IGSF11: variants seen among roughly 807,000 people sequenced by gnomAD.
IGSF11 encodes immunoglobulin superfamily member 11.
A neutral mutation model predicts 41.0 loss-of-function variants in IGSF11; 22 were observed. The observed-to-expected ratio is 0.54, with a 90% CI of 0.38 to 0.77. The LOEUF is 0.77. Ranked by LOEUF, IGSF11 falls within the 30% of genes least tolerant of loss-of-function variation. The pLI is 0.00. For missense variants in IGSF11, 444 were observed against 530.8 expected (o/e 0.84, Z 1.61); for synonymous variants, 219 against 201.3 (o/e 1.09, Z -0.74).
chr3:119,107,332 T>C (rs2077049428), upstream of IGSF11, among the ~76,000 whole-genome samples: 1 of 152,254 alleles, frequency 6.6e-6, no homozygotes, highest in African/African-American at 2.4e-5. Flanking sequence ...ATTTCTCTGA[T>C]GGCCAGTGAT....
chr3:119,118,220 G>T (rs1386613460), intron 1 of IGSF11, among the ~76,000 whole-genome samples: 1 of 152,206 alleles, frequency 6.6e-6, no homozygotes, highest in Non-Finnish European at 1.5e-5. Context: ...CATTGCCCTA[G>T]CAAAGGTTCT....
intron 1 of IGSF11, among the ~76,000 whole-genome samples, chr3:119,131,266 A>G (rs190282980): frequency 1.3e-5 from 2 of 152,308 alleles, no homozygotes; most frequent in Non-Finnish European, 2.9e-5. Flanking sequence ...GAGCTAAAGG[A>G]GGATGTTCTA....
intron 1 of IGSF11, among the ~76,000 whole-genome samples, chr3:119,083,408 A>C (rs576993011): frequency 1.3e-5 from 2 of 151,812 alleles, no homozygotes; most frequent in South Asian, 2.1e-4. Context: ...TGGTAAGACT[A>C]TTTCTATGTA....
At chr3:119,073,385 G>A (rs999214480) in intron 1 of IGSF11, among the ~76,000 whole-genome samples, 9 of 152,224 alleles carry the variant, frequency 5.9e-5, no homozygotes, top group Admixed American at 4.6e-4. Context: ...TGCCAGTCCT[G>A]GGCCGCGCAT....
intron 1 of IGSF11, among the ~76,000 whole-genome samples, chr3:118,948,964 T>TC (rs1270133559): frequency 7.8e-6 from 1 of 127,530 alleles, no homozygotes; most frequent in Non-Finnish European, 1.6e-5. Flanking sequence ...AGAGCGAGAC[T>TC]CCGTCTCAAA....
intron 1 of IGSF11, among the ~76,000 whole-genome samples, chr3:118,991,771 A>G (rs1935813521): frequency 6.6e-6 from 1 of 152,212 alleles, no homozygotes; most frequent in South Asian, 2.1e-4. Flanking sequence ...CAAATTCTCA[A>G]TCAGTGCCTA....
At chr3:119,115,986 G>A (rs1315530720) in intron 1 of IGSF11, among the ~76,000 whole-genome samples, 1 of 152,114 alleles carries the variant, frequency 6.6e-6, no homozygotes, top group African/African-American at 2.4e-5. Flanking sequence ...GACAAAACGA[G>A]GAGCTTTGTG....
chr3:119,033,126 T>A (rs1479693536), intron 1 of IGSF11, among the ~76,000 whole-genome samples: 3 of 152,232 alleles, frequency 2.0e-5, no homozygotes, highest in Admixed American at 2.0e-4. Flanking sequence ...TACTGCCTAA[T>A]AATTCAAAAA....
At chr3:119,052,433 G>A (rs942969155) in intron 1 of IGSF11, among the ~76,000 whole-genome samples, 3 of 144,832 alleles carry the variant, frequency 2.1e-5, no homozygotes, top group Non-Finnish European at 3.0e-5. Context: ...CAAGCAAACA[G>A]GAAGGGAGGG....
At position 118,901,765 on chromosome 3, in the gene IGSF11, C is replaced by T. The variant is rs1938888485; in HGVS notation, c.*755G>A. ...TCATGTATTTAAAAAAAAAAAAAAGCCTTTTATAAAAAAATATTTTTCCAG... is the reference window on the plus strand; with the variant it reads ...TCATGTATTTAAAAAAAAAAAAAAGTCTTTTATAAAAAAATATTTTTCCAG... On this transcript the variant is annotated 3_prime_UTR_variant, in exon 7 of 7. Coordinates refer to ENST00000393775, the MANE Select transcript of IGSF11 (RefSeq NM_001015887.3). The T allele has an allele frequency of 6.7e-6, 1 of 150,110 alleles. No individual in the cohort carries two copies. The highest frequency in any genetic ancestry group is 1.5e-5 in the Non-Finnish European group (1 of 67,534). 9.3% of individuals were successfully genotyped at this position (150,110 alleles called of 1,614,324 possible).
chr3:119,135,226 C>A (rs1323187693), intron 1 of IGSF11, among the ~76,000 whole-genome samples: 1 of 152,138 alleles, frequency 6.6e-6, no homozygotes. Context: ...TCTAATTAAA[C>A]TAAAGAGCTT....
intron 1 of IGSF11, among the ~76,000 whole-genome samples, chr3:118,945,463 C>T (rs536725116): frequency 1.3e-5 from 2 of 152,022 alleles, no homozygotes; most frequent in East Asian, 1.9e-4. Context: ...ATGATGAAGC[C>T]GTGGTGAAAT....
At chr3:118,920,238 T>C (rs2107512916) in intron 4 of IGSF11, among the ~76,000 whole-genome samples, 1 of 145,146 alleles carries the variant, frequency 6.9e-6, no homozygotes. Flanking sequence ...TGTGCACATG[T>C]ACCCTAAAAC....
At chr3:119,099,323 T>C (rs538527993) in intron 1 of IGSF11, among the ~76,000 whole-genome samples, 7 of 152,272 alleles carry the variant, frequency 4.6e-5, no homozygotes, top group South Asian at 2.1e-4. Flanking sequence ...TAGTGTAGTA[T>C]ATCAAAATGA....
intron 1 of IGSF11, among the ~76,000 whole-genome samples, chr3:119,058,114 T>C (rs1941919811): frequency 6.6e-6 from 1 of 152,064 alleles, no homozygotes; most frequent in Non-Finnish European, 1.5e-5. Flanking sequence ...AAAACCAAAA[T>C]TGACAAATGG....
chr3:118,917,399 G>C (rs972445327), intron 4 of IGSF11, among the ~76,000 whole-genome samples: 8 of 147,898 alleles, frequency 5.4e-5, no homozygotes, highest in African/African-American at 2.1e-4. Context: ...GAATCAAACA[G>C]ACACAATAAA....
chr3:118,990,002 T>C (rs898945282), intron 1 of IGSF11, among the ~76,000 whole-genome samples: 5 of 152,068 alleles, frequency 3.3e-5, no homozygotes, highest in African/African-American at 1.2e-4. Flanking sequence ...AGGCTCGGGG[T>C]CATACTAGTG....
chr3:118,996,219 A>ATC (rs1936257822), intron 1 of IGSF11, among the ~76,000 whole-genome samples: 1 of 152,226 alleles, frequency 6.6e-6, no homozygotes, highest in African/African-American at 2.4e-5. Context: ...CAAACCTGTT[A>ATC]GTGTTAGCAG....
At chr3:118,908,994 G>A (rs1939944881) in intron 4 of IGSF11, among the ~76,000 whole-genome samples, 2 of 152,208 alleles carry the variant, frequency 1.3e-5, no homozygotes, top group South Asian at 2.1e-4. Flanking sequence ...GTAGATTACT[G>A]TGAGGACTAA....
Sources: allele counts gnomAD v4.1 joint callset (sites outside exome capture counted in the v4.1 genomes callset), GRCh38; gene constraint gnomAD v4.1.1; transcripts MANE v1.5; gene names NCBI Gene and HGNC (gene_info 2026-07-23, HGNC 2026-07-21).